The following SLCO3A1 variants were observed in gnomAD, a reference collection of about 807,000 sequenced individuals.
The protein encoded by SLCO3A1 is solute carrier organic anion transporter family member 3A1, also known as PGE1 transporter.
In SLCO3A1, 27 loss-of-function variants were observed where a neutral mutation model predicts 63.1. The ratio of observed to expected loss-of-function variants is 0.43; its 90% confidence interval spans 0.32 to 0.59. The LOEUF (loss-of-function observed/expected upper bound fraction) is 0.59, where lower values mean the gene tolerates loss of function less well. Ranked by LOEUF, SLCO3A1 falls within the 20% of genes least tolerant of loss-of-function variation. The pLI is 0.09. For synonymous variants in SLCO3A1, 473 were observed against 409.9 expected (o/e 1.15, Z -1.86); for missense variants, 773 against 945.8 (o/e 0.82, Z 2.40).
At chr15:92,085,924 T>C (rs2047399119) in intron 2 of SLCO3A1, among the ~76,000 whole-genome samples, 1 of 152,252 alleles carries the variant, frequency 6.6e-6, no homozygotes, top group African/African-American at 2.4e-5. Context: ...ACGTGTTCTT[T>C]CAACTTCAAC....
chr15:91,960,754 G>A (rs1456928703), intron 2 of SLCO3A1, among the ~76,000 whole-genome samples: 1 of 152,146 alleles, frequency 6.6e-6, no homozygotes, highest in Non-Finnish European at 1.5e-5. Flanking sequence ...CTTGGGATGA[G>A]AAGTGTTTCA....
rs868132479 is a variant in SLCO3A1, at chr15:91,860,164, C to T, written c.180+6076C>T. Among the ~76,000 whole-genome samples the T allele has an allele frequency of 5.1e-4, 77 of 152,242 alleles. No individual in the cohort carries two copies. The highest frequency in any genetic ancestry group is 1.7e-3 in the African/African-American group (69 of 41,540). ...AGCAGGGCAGGCAGGACTGGCTGGG[C>T]GGGGCAGGTACCCTGATGCTTCACT... On this transcript the variant is annotated intron_variant, in intron 1 of 9. Coordinates refer to ENST00000318445, the MANE Select transcript of SLCO3A1 (RefSeq NM_013272.4). The surrounding 1 kb of genome is among the most constrained non-coding windows in gnomAD (Gnocchi z 5.5).
intron 2 of SLCO3A1, among the ~76,000 whole-genome samples, chr15:92,087,883 A>C (rs1378689231): frequency 1.3e-5 from 2 of 152,174 alleles, no homozygotes; most frequent in African/African-American, 4.8e-5. Flanking sequence ...GGACCAGAAA[A>C]TTTCAAGTTT....
rs180870856 is a variant in SLCO3A1, at chr15:92,090,887, C to G, written c.647-3994C>G. Among the ~76,000 whole-genome samples, 333 of 152,228 alleles carry G rather than the reference C, an allele frequency of 2.2e-3. 1 individual carries two copies. The highest frequency in any genetic ancestry group is 7.8e-3 in the African/African-American group (326 of 41,530). ...GAGGTCATTCAATCCTCACCACAAC[C>G]CCATGAAGTCGATCTATTGTTACCC... On this transcript the variant is annotated intron_variant, in intron 2 of 9. Transcript: ENST00000318445.
At chr15:92,136,968 C>CTTTTTT (rs60449563) in intron 7 of SLCO3A1, among the ~76,000 whole-genome samples, 1 of 141,064 alleles carries the variant, frequency 7.1e-6, no homozygotes. Context: ...AGTAGTCTGT[C>CTTTTTT]TTTTTTTTTT....
intron 9 of SLCO3A1, 139 bp from the exon 10 acceptor site, chr15:92,162,617 T>G (rs752886891): frequency 7.3e-7 from 1 of 1,370,148 alleles, no homozygotes; most frequent in Non-Finnish European, 9.8e-7. Flanking sequence ...CTCATGCGCT[T>G]TGCCTCCTGA....
At chr15:91,989,097 C>T (rs565802469) in intron 2 of SLCO3A1, among the ~76,000 whole-genome samples, 4 of 152,324 alleles carry the variant, frequency 2.6e-5, no homozygotes, top group Admixed American at 2.6e-4. Context: ...GCAGAAACTA[C>T]AGGGACCATC....
At chr15:92,156,070 A>C (rs2048367693) in intron 9 of SLCO3A1, among the ~76,000 whole-genome samples, 1 of 152,162 alleles carries the variant, frequency 6.6e-6, no homozygotes, top group Non-Finnish European at 1.5e-5. Flanking sequence ...GGAAAAGTAC[A>C]TCCTAGACAC....
rs1364861186 is a variant in SLCO3A1, at chr15:92,131,958, A to C, written c.1512+3469A>C. The stretch of plus-strand genomic sequence containing the variant: ...ATTTACTCTGGCACCTCCCTCATTA[A>C]GCTGCAGGGACAGGGGCTCTGTTAT... On this transcript the variant is annotated intron_variant, in intron 7 of 9. Coordinates refer to ENST00000318445, the MANE Select transcript of SLCO3A1 (RefSeq NM_013272.4). Among the ~76,000 whole-genome samples, 3 of 145,672 alleles carry C rather than the reference A, an allele frequency of 2.1e-5. 1 individual carries two copies. Among genetic ancestry groups the C allele is most frequent in the African/African-American group, 5.0e-5 (2 of 40,178 alleles).
chr15:91,857,344 C>T (rs1896950365), intron 1 of SLCO3A1, among the ~76,000 whole-genome samples: 1 of 152,108 alleles, frequency 6.6e-6, no homozygotes, highest in Non-Finnish European at 1.5e-5. Flanking sequence ...AAATCTATTA[C>T]GGTTACAAAC....
At chr15:92,109,381 A>G (rs1005560108) in intron 4 of SLCO3A1, among the ~76,000 whole-genome samples, 4 of 152,224 alleles carry the variant, frequency 2.6e-5, no homozygotes, top group Non-Finnish European at 5.9e-5. Flanking sequence ...TACTAGAAGT[A>G]CGGCTGCTGG....
At chr15:92,025,707 G>A (rs552041076) in intron 2 of SLCO3A1, among the ~76,000 whole-genome samples, 25 of 152,266 alleles carry the variant, frequency 1.6e-4, no homozygotes, top group Admixed American at 6.5e-4. Flanking sequence ...TATGAGTTTA[G>A]TGTTAAACTG....
At chr15:91,881,481 ATGTTT>A (rs1897585354) in intron 1 of SLCO3A1, among the ~76,000 whole-genome samples, 1 of 152,016 alleles carries the variant, frequency 6.6e-6, no homozygotes, top group African/African-American at 2.4e-5. Context: ...ATAAAGAAAA[ATGTTT>A]TTTTCTTTAT....
rs911018786 is a variant in SLCO3A1, at chr15:91,860,680, C to A, written c.180+6592C>A. On this transcript the variant is annotated intron_variant, in intron 1 of 9. Transcript: ENST00000318445. This position sits in a 1 kb window ranked among gnomAD's most constrained non-coding sequence, Gnocchi z 5.5. ...TGTCAGGAGGGCGAGGACAAAGGGA[C>A]ATATGTTGTGGACATATGCTGCCCT... Among the ~76,000 whole-genome samples, 1 of 152,202 alleles carries A rather than the reference C, an allele frequency of 6.6e-6. No homozygotes were observed. Among genetic ancestry groups the A allele is most frequent in the African/African-American group, 2.4e-5 (1 of 41,456 alleles).
At chr15:92,126,796 A>T (rs529259844) in intron 6 of SLCO3A1, among the ~76,000 whole-genome samples, 15 of 152,260 alleles carry the variant, frequency 9.9e-5, no homozygotes, top group Admixed American at 4.6e-4. Flanking sequence ...AAGACTTGGG[A>T]CTAGAGTCCA....
intron 2 of SLCO3A1, among the ~76,000 whole-genome samples, chr15:91,994,370 A>G (rs936858628): frequency 6.6e-6 from 1 of 151,998 alleles, no homozygotes; most frequent in Admixed American, 6.6e-5. Flanking sequence ...TTATGGATAT[A>G]TAGAGATGTT....
chr15:91,873,594 C>A (rs2151336386), intron 1 of SLCO3A1, among the ~76,000 whole-genome samples: 1 of 151,082 alleles, frequency 6.6e-6, no homozygotes, highest in South Asian at 2.1e-4. Context: ...TATTTCAGGA[C>A]CATTTTAAAG....
chr15:92,042,068 T>C (rs2046806280), intron 2 of SLCO3A1, among the ~76,000 whole-genome samples: 1 of 152,162 alleles, frequency 6.6e-6, no homozygotes, highest in Non-Finnish European at 1.5e-5. Flanking sequence ...ATGAGCCCCA[T>C]GTGACTCTGG....
intron 7 of SLCO3A1, among the ~76,000 whole-genome samples, chr15:92,136,672 T>C (rs2048061088): frequency 6.6e-6 from 1 of 152,222 alleles, no homozygotes; most frequent in African/African-American, 2.4e-5. Flanking sequence ...TACATTTATA[T>C]GATTCAAAAG....
Sources: gnomAD v4.1 joint callset for allele counts (sites outside exome capture counted in the v4.1 genomes callset) on GRCh38, gnomAD v4.1.1 for gene constraint, Gnocchi (gnomAD v3.1) non-coding constraint, MANE v1.5 for transcripts, NCBI Gene and HGNC (gene_info 2026-07-23, HGNC 2026-07-21) for gene names.